PSME4: variants seen among roughly 807,000 people sequenced by gnomAD.
The protein encoded by PSME4 is proteasome activator complex subunit 4.
A neutral mutation model predicts 253.9 loss-of-function variants in PSME4; 89 were observed. The ratio of observed to expected loss-of-function variants is 0.35; its 90% CI spans 0.30 to 0.42. The LOEUF (loss-of-function observed/expected upper bound fraction) is 0.42, where lower values mean the gene tolerates loss of function less well. PSME4 is among the 10% of genes least tolerant of loss of function. The pLI is 1.00. For missense variants in PSME4, 2,014 were observed against 2,195.2 expected, an observed-to-expected ratio of 0.92 and a Z score of 1.65; for synonymous variants, 851 against 759.2, an observed-to-expected ratio of 1.12 and a Z score of -1.99.
rs574580559 is a variant in PSME4, at chr2:53,919,041, A to G, written c.2516+110T>C. Reference sequence around the variant, plus strand: ...TTTGACCTTAACAGTGACAAATAAAAAGGTTAAAGTGATACAGAAATAAAA... The same window carrying G: ...TTTGACCTTAACAGTGACAAATAAAGAGGTTAAAGTGATACAGAAATAAAA... On this transcript the variant is annotated intron_variant, in intron 20 of 46. Transcript: ENST00000404125. The G allele has an allele frequency of 2.0e-4, 218 of 1,074,564 alleles. No homozygotes were observed. The African/African-American group carries it at 3.4e-3, about 17-fold the overall frequency. The allele number at this position is 1,074,564 out of a possible 1,614,324, so 66.6% of individuals were successfully genotyped here.
Position 53,965,330 on chromosome 2 carries a change from C to T in PSME4, c.242+5213G>A, listed in dbSNP as rs558342285. The stretch of plus-strand genomic sequence containing the variant: ...GTGGCGCCATCTCGGCTCACTGTAG[C>T]CTCTGCCTCCCAGGTTCAAGCGATT... On this transcript the variant is annotated intron_variant, in intron 1 of 46. Coordinates refer to ENST00000404125, the MANE Select transcript of PSME4 (RefSeq NM_014614.3). Among the ~76,000 whole-genome samples, 21 of 151,662 alleles carry T rather than the reference C, an allele frequency of 1.4e-4. 1 individual carries two copies. The highest frequency in any genetic ancestry group is 1.1e-3 in the Admixed American group (17 of 15,220).
At chr2:53,953,333 A>C (rs1488637768) in intron 1 of PSME4, among the ~76,000 whole-genome samples, 3 of 152,062 alleles carry the variant, frequency 2.0e-5, no homozygotes, top group Non-Finnish European at 2.9e-5. Context: ...CCAAATTACT[A>C]GTAAGAAAAA....
Position 53,922,400 on chromosome 2 carries a change from A to C in PSME4, c.2046+117T>G, listed in dbSNP as rs1003431977. On this transcript the variant is annotated intron_variant, in intron 17 of 46. Transcript: ENST00000404125. ...TTCTGATCTTCTGAAGCCTCATCAA[A>C]TTTCCAAAACTCTGACTTTTCATAT... is the stretch of plus-strand genomic sequence containing the variant. 6 of 1,050,886 alleles carry C rather than the reference A, an allele frequency of 5.7e-6. No individual in the cohort carries two copies. The African/African-American group carries it at 8.0e-5, about 14-fold the overall frequency. 65.1% of individuals were successfully genotyped at this position (1,050,886 alleles called of 1,614,324 possible).
intron 1 of PSME4, among the ~76,000 whole-genome samples, chr2:53,965,475 C>A (rs1053140176): frequency 1.9e-4 from 29 of 152,016 alleles, no homozygotes; most frequent in African/African-American, 7.0e-4. Flanking sequence ...CTCAGCCTCC[C>A]AAAGTGCAGG....
At chr2:53,960,331 G>A (rs982993272) in intron 1 of PSME4, among the ~76,000 whole-genome samples, 9 of 151,160 alleles carry the variant, frequency 6.0e-5, no homozygotes, top group Non-Finnish European at 8.8e-5. Flanking sequence ...CCTGGGAGGC[G>A]GAGGTTGCAG....
In PSME4 at chr2:53,901,541, G is replaced by C; in HGVS notation, c.3094C>G (p.Leu1032Val). 1 of 1,612,264 alleles carries C rather than the reference G, an allele frequency of 6.2e-7. No individual in the cohort carries two copies. Among genetic ancestry groups the C allele is most frequent in the Non-Finnish European group, 8.5e-7 (1 of 1,178,670 alleles). The change falls in exon 28 of 47, where the codon CTT becomes GTT. Residue 1032 changes from leucine to valine, a missense_variant. Transcript: ENST00000404125. ...QQFKGALYCL[L>V]GNHSGVCLAN... ...AAGCACACACCACTGTGATTTCCAA[G>C]GAGACAGTACAAGGCACCCTGCAGA... is the stretch of plus-strand genomic sequence containing the variant.
chr2:53,931,034 T>C (rs1041153399), intron 10 of PSME4, among the ~76,000 whole-genome samples: 1 of 152,164 alleles, frequency 6.6e-6, no homozygotes, highest in Non-Finnish European at 1.5e-5. Context: ...TCCCAGCACT[T>C]TGGGAGGCCA....
intron 26 of PSME4, among the ~76,000 whole-genome samples, chr2:53,904,815 C>G (rs908517212): frequency 6.6e-6 from 1 of 151,508 alleles, no homozygotes; most frequent in East Asian, 2.0e-4. Context: ...ATGGTGAAAC[C>G]CCGTCTCTAC....
Position 53,868,705 on chromosome 2 carries a change from C to T in PSME4, c.5263+671G>A, listed in dbSNP as rs559359440. On this transcript the variant is annotated intron_variant, in intron 44 of 46. Coordinates refer to ENST00000404125, the MANE Select transcript of PSME4 (RefSeq NM_014614.3). ...AGGTAACTTTATGACATAATTAAGA[C>T]ACTAATCAGCAGTAAAAGCTTTATA... Among the ~76,000 whole-genome samples the T allele has an allele frequency of 1.0e-3, 150 of 149,620 alleles. 1 individual carries two copies. The highest frequency in any genetic ancestry group is 3.4e-3 in the African/African-American group (139 of 40,594).
chr2:53,940,449 C>T (rs1012057357), intron 3 of PSME4, among the ~76,000 whole-genome samples: 8 of 152,080 alleles, frequency 5.3e-5, no homozygotes, highest in Non-Finnish European at 1.0e-4. Flanking sequence ...TTCGATAACC[C>T]TCCCAGGCAC....
intron 1 of PSME4, among the ~76,000 whole-genome samples, chr2:53,969,536 A>C (rs1159635336): frequency 6.6e-6 from 1 of 152,178 alleles, no homozygotes; most frequent in African/African-American, 2.4e-5. Flanking sequence ...GTCCATACCC[A>C]CATGCGTGAA....
At chr2:53,900,184 G>C (rs1380532893) in intron 28 of PSME4, among the ~76,000 whole-genome samples, 167 bp from the exon 29 acceptor site, 1 of 151,048 alleles carries the variant, frequency 6.6e-6, no homozygotes, top group African/African-American at 2.4e-5. Context: ...TATTGACAGA[G>C]AAAGTGGTTT....
chr2:53,962,583 G>C (rs958501230), intron 1 of PSME4, among the ~76,000 whole-genome samples: 10 of 152,166 alleles, frequency 6.6e-5, no homozygotes, highest in African/African-American at 2.4e-4. Context: ...GTGCCTCAAA[G>C]TAAGGCATTA....
At chr2:53,949,697 GA>G (rs1261374077) in intron 1 of PSME4, among the ~76,000 whole-genome samples, 2 of 152,104 alleles carry the variant, frequency 1.3e-5, no homozygotes, top group Non-Finnish European at 2.9e-5. Flanking sequence ...CATAGAAACA[GA>G]AAGTAGAATA....
At chr2:53,888,132 T>A in intron 38 of PSME4, 143 bp from the exon 39 acceptor site, 1 of 704,180 alleles carries the variant, frequency 1.4e-6, no homozygotes, top group Non-Finnish European at 2.1e-6. Context: ...CAACTCAAAA[T>A]AGCCTCTTTA....
At chr2:53,948,709 C>A (rs908879640) in intron 2 of PSME4, among the ~76,000 whole-genome samples, 172 bp from the exon 3 acceptor site, 25 of 152,290 alleles carry the variant, frequency 1.6e-4, no homozygotes, top group African/African-American at 6.0e-4. Flanking sequence ...ATAATGCACC[C>A]AATTCTTGCT....
At chr2:53,883,737 C>T (rs1679504749) in intron 41 of PSME4, among the ~76,000 whole-genome samples, 1 of 146,332 alleles carries the variant, frequency 6.8e-6, no homozygotes, top group Non-Finnish European at 1.5e-5. Flanking sequence ...TGGCTCAATT[C>T]TTATACTTCT....
In PSME4 at chr2:53,970,979, G is replaced by T. The variant is rs930418338; in HGVS notation, c.-195C>A. ...ACGCGGCTCTCAGTTCGTTGGCGGCGGCAGCGGCCGCTCTGCCCGCCCCGC... is the reference window on the plus strand; with the variant it reads ...ACGCGGCTCTCAGTTCGTTGGCGGCTGCAGCGGCCGCTCTGCCCGCCCCGC... On this transcript the variant is annotated 5_prime_UTR_variant, in exon 1 of 47. Transcript: ENST00000404125. 3 of 471,434 alleles carry T rather than the reference G, an allele frequency of 6.4e-6. No individual in the cohort carries two copies. The highest frequency in any genetic ancestry group is 4.4e-5 in the Admixed American group (1 of 22,522). The allele number at this position is 471,434 out of a possible 1,614,324, so 29.2% of individuals were successfully genotyped here.
rs552957602 is a variant in PSME4 at position 53,901,579 on chromosome 2, T to C, written c.3076-20A>G. 2 of 1,571,398 alleles carry C rather than the reference T, an allele frequency of 1.3e-6. No individual in the cohort carries two copies. Among genetic ancestry groups the C allele is most frequent in the South Asian group, 1.1e-5 (1 of 88,998 alleles). Reference sequence around the variant, plus strand: ...GGCACCCTGCAGAAAAAAAAATATATATATGTTTACATGGGAAATAAGAGG... The same window carrying C: ...GGCACCCTGCAGAAAAAAAAATATACATATGTTTACATGGGAAATAAGAGG... On this transcript the variant is annotated intron_variant, in intron 27 of 46. Transcript: ENST00000404125.
Sources: gnomAD v4.1 joint callset for allele counts (sites outside exome capture counted in the v4.1 genomes callset) on GRCh38, gnomAD v4.1.1 for gene constraint, MANE v1.5 for transcripts, NCBI Gene and HGNC (gene_info 2026-07-23, HGNC 2026-07-21) for gene names.